The following PICALM variants were observed in gnomAD, a reference collection of about 807,000 sequenced individuals.
PICALM encodes phosphatidylinositol binding clathrin assembly protein, also known as phosphatidylinositol-binding clathrin assembly protein.
PICALM carries 40 observed loss-of-function variants against 80.5 expected under a neutral mutation model. The observed-to-expected ratio is 0.50, with a 90% CI of 0.39 to 0.65. The LOEUF is 0.65. Ranked by LOEUF, PICALM falls within the 30% of genes least tolerant of loss-of-function variation. The pLI, the probability that PICALM is intolerant of heterozygous loss-of-function variation, is 0.00. For missense variants in PICALM, 676 were observed against 778.9 expected, an observed-to-expected ratio of 0.87 and a Z score of 1.57; for synonymous variants, 288 against 260.3, an observed-to-expected ratio of 1.11 and a Z score of -1.02.
rs977515699 is a variant in PICALM at position 85,958,550 on chromosome 11, TAA to T, written c.*494_*495del. On this transcript the variant is annotated 3_prime_UTR_variant, in exon 20 of 20. Coordinates refer to ENST00000393346, the MANE Select transcript of PICALM (RefSeq NM_007166.4). ...ACTGCAAACTGAATATAATTTTTTT[TAA>T]AAAAAGAAAAGTTAATTTCAGTTAT... is the stretch of plus-strand genomic sequence containing the variant. 4.7e-6 allele frequency: 1 copy of T among 211,924 alleles called. No homozygotes were observed. Among genetic ancestry groups the T allele is most frequent in the Non-Finnish European group, 9.6e-6 (1 of 104,594 alleles). The allele number at this position is 211,924 out of a possible 1,614,324, so 13.1% of individuals were successfully genotyped here.
At chr11:86,025,849 G>A (rs1045763273) in intron 3 of PICALM, among the ~76,000 whole-genome samples, 5 of 152,102 alleles carry the variant, frequency 3.3e-5, no homozygotes, top group East Asian at 1.9e-4. Flanking sequence ...ATGAGCCACC[G>A]TACCCAGCCT....
intron 19 of PICALM, among the ~76,000 whole-genome samples, chr11:85,966,743 A>G (rs2093913571): frequency 6.6e-6 from 1 of 152,302 alleles, no homozygotes; most frequent in Admixed American, 6.5e-5. Flanking sequence ...TAATTTGATG[A>G]CCAGTGTCCT....
chr11:86,043,674 T>C (rs550339622), intron 1 of PICALM, among the ~76,000 whole-genome samples: 1 of 152,322 alleles, frequency 6.6e-6, no homozygotes, highest in South Asian at 2.1e-4. Context: ...TGTGGATTTG[T>C]AAGTGAAACA....
chr11:86,038,246 G>A (rs539198076), intron 1 of PICALM, among the ~76,000 whole-genome samples: 41 of 152,208 alleles, frequency 2.7e-4, no homozygotes, highest in Admixed American at 2.4e-3. Flanking sequence ...CTTGAACCCA[G>A]GAGGCGGAGG....
At chr11:86,042,425 A>C (rs2095989522) in intron 1 of PICALM, among the ~76,000 whole-genome samples, 1 of 152,052 alleles carries the variant, frequency 6.6e-6, no homozygotes, top group East Asian at 1.9e-4. Context: ...ATAAGAAAAC[A>C]AACTGAAAGT....
At position 85,990,231 on chromosome 11, in the gene PICALM, A is replaced by AG; in HGVS notation, c.1408+18dup. 6.7e-7 allele frequency: 1 copy of AG among 1,494,796 alleles called. No individual in the cohort carries two copies. 92.6% of individuals were successfully genotyped at this position (1,494,796 alleles called of 1,614,324 possible). On this transcript the variant is annotated intron_variant, in intron 13 of 19. Coordinates refer to ENST00000393346, the MANE Select transcript of PICALM (RefSeq NM_007166.4). ...CAGTATAAACATTGATTGGAAAAAA[A>AG]GGTTAAATGGTACTTTACCAACAAA...
chr11:86,055,803 C>G (rs2096259649), intron 1 of PICALM, among the ~76,000 whole-genome samples: 1 of 152,036 alleles, frequency 6.6e-6, no homozygotes, highest in Admixed American at 6.6e-5. Context: ...TTGAATCAGC[C>G]AATGATTTCT....
At chr11:85,986,907 T>G (rs1166366336) in intron 13 of PICALM, among the ~76,000 whole-genome samples, 1 of 152,188 alleles carries the variant, frequency 6.6e-6, no homozygotes, top group African/African-American at 2.4e-5. Flanking sequence ...AGTGAAAACT[T>G]TCTCACTAAC....
At position 86,066,121 on chromosome 11, in the gene PICALM, A is replaced by G. The variant is rs117952875; in HGVS notation, c.130+2530T>C. Reference sequence around the variant, plus strand: ...ATGACAGGTTTCTGTATTAAAGCCTAAAGTTCATGATGTCAACACCATGAA... The same window carrying G: ...ATGACAGGTTTCTGTATTAAAGCCTGAAGTTCATGATGTCAACACCATGAA... On this transcript the variant is annotated intron_variant, in intron 1 of 19. Coordinates refer to ENST00000393346, the MANE Select transcript of PICALM (RefSeq NM_007166.4). Among the ~76,000 whole-genome samples, 181 of 152,344 alleles carry G rather than the reference A, an allele frequency of 1.2e-3. 1 individual carries two copies. The highest frequency in any genetic ancestry group is 1.9e-3 in the Admixed American group (29 of 15,308).
intron 1 of PICALM, among the ~76,000 whole-genome samples, chr11:86,066,749 AAAAAAAAAAC>A (rs1407581169): frequency 6.6e-6 from 1 of 151,530 alleles, no homozygotes; most frequent in Non-Finnish European, 1.5e-5. Context: ...TCCCATACAA[AAAAAAAAAAC>A]AAAAAAAAAC....
chr11:86,032,919 TAA>T (rs1444232267), intron 1 of PICALM, among the ~76,000 whole-genome samples: 1 of 152,212 alleles, frequency 6.6e-6, no homozygotes, highest in Admixed American at 6.5e-5. Flanking sequence ...AATTATTATA[TAA>T]GTTAATATCT....
At chr11:86,004,287 G>A (rs1335277700) in intron 8 of PICALM, among the ~76,000 whole-genome samples, 3 of 151,964 alleles carry the variant, frequency 2.0e-5, no homozygotes, top group South Asian at 2.1e-4. Flanking sequence ...CAAACAATAC[G>A]ATGAGCAAAA....
At chr11:86,057,492 C>A (rs529325722) in intron 1 of PICALM, among the ~76,000 whole-genome samples, 1 of 152,000 alleles carries the variant, frequency 6.6e-6, no homozygotes, top group Non-Finnish European at 1.5e-5. Context: ...GAGCTGAGAT[C>A]GTGCCATTGC....
intron 19 of PICALM, among the ~76,000 whole-genome samples, chr11:85,964,687 T>C (rs2093815106): frequency 6.6e-6 from 1 of 151,936 alleles, no homozygotes; most frequent in Non-Finnish European, 1.5e-5. Flanking sequence ...TGCTCTGTTA[T>C]GTCTTTCTTA....
chr11:85,969,586 C>A, intron 19 of PICALM: 3 of 329,378 alleles, frequency 9.1e-6, no homozygotes, highest in Admixed American at 3.9e-5. Flanking sequence ...TTTCGGCTAG[C>A]ATTCTACGGA....
chr11:85,970,650 T>C (rs753884676), intron 19 of PICALM, among the ~76,000 whole-genome samples: 9 of 152,184 alleles, frequency 5.9e-5, no homozygotes, highest in Middle Eastern at 3.2e-3. Flanking sequence ...ACCCTGTCTC[T>C]ACTAAAAATT....
In PICALM at chr11:86,003,372, G is replaced by A; in HGVS notation, c.887C>T (p.Ala296Val). The change falls in exon 9 of 20, where the codon GCA becomes GTA. Residue 296 changes from alanine (A) to valine (V), a missense_variant. Ala to Val is a moderately conservative substitution (Grantham distance 64). This residue lies in a region of PICALM where 285 missense variants were observed against 395.4 expected (regional missense o/e 0.72). Coordinates refer to ENST00000393346, the MANE Select transcript of PICALM (RefSeq NM_007166.4). ...CCTACAAAGAATGATATACCTGCTT[G>A]CAGCTGTAGAATCTTTGATTTTCTT... The part of the protein sequence containing the change: ...EGKKIKDSTA[A>V]SRATTLSNAV... 1.9e-6 allele frequency: 3 copies of A among 1,582,716 alleles called. No individual in the cohort carries two copies. The highest frequency in any genetic ancestry group is 2.6e-6 in the Non-Finnish European group (3 of 1,156,490).
chr11:86,012,763 C>T (rs4944552), intron 5 of PICALM, among the ~76,000 whole-genome samples: 24,889 of 150,274 alleles, frequency 0.17, 2,609 homozygotes, highest in Middle Eastern at 0.24. Context: ...AATTGAATGG[C>T]AAACAAAAAA....
chr11:86,046,188 C>A (rs1009045224), intron 1 of PICALM, among the ~76,000 whole-genome samples: 2 of 152,168 alleles, frequency 1.3e-5, no homozygotes, highest in Admixed American at 1.3e-4. Context: ...TTTGCCATCA[C>A]TGAAGTTCTG....
Sources: gnomAD v4.1 joint callset for allele counts (sites outside exome capture counted in the v4.1 genomes callset) on GRCh38, gnomAD v4.1.1 for gene constraint, gnomAD v4.1.1 regional missense constraint, MANE v1.5 for transcripts, NCBI Gene and HGNC (gene_info 2026-07-23, HGNC 2026-07-21) for gene names.